LRRK1: variants seen among roughly 807,000 people sequenced by gnomAD.
LRRK1 encodes leucine-rich repeat serine/threonine-protein kinase 1.
In LRRK1, 113 loss-of-function variants were observed where a neutral mutation model predicts 209.1. The observed-to-expected ratio is 0.54, with a 90% CI of 0.46 to 0.63. The LOEUF (loss-of-function observed/expected upper bound fraction) is 0.63, where lower values mean the gene tolerates loss of function less well. Ranked by LOEUF, LRRK1 falls within the 30% of genes least tolerant of loss-of-function variation. LRRK1 has a pLI of 0.00. For synonymous variants in LRRK1, 1,144 were observed against 1,099.7 expected, an observed-to-expected ratio of 1.04 and a Z score of -0.80; for missense variants, 2,284 against 2,632.2, an observed-to-expected ratio of 0.87 and a Z score of 2.89.
intron 2 of LRRK1, among the ~76,000 whole-genome samples, chr15:100,972,011 G>A (rs4965754): frequency 0.7 from 106,482 of 151,400 alleles, 37,784 homozygotes; most frequent in Middle Eastern, 0.76. Context: ...CACCCAGGCT[G>A]GAGTGCAGTG....
In LRRK1 at chr15:101,010,492, C is replaced by T. The variant is rs2033177934; in HGVS notation, c.1032C>T (p.Leu344=). 1 of 1,612,060 alleles carries T rather than the reference C, an allele frequency of 6.2e-7. No homozygotes were observed. The highest frequency in any genetic ancestry group is 8.5e-7 in the Non-Finnish European group (1 of 1,179,520). ...IDISSNKLSH[L]PPGFLHLSKL... is the part of the protein sequence containing the mutation. ...TTTCCAGCAACAAGTTGTCCCACCT[C>T]CCTCCTGGATTCTTGCACCTCTCAA... The change falls in exon 8 of 34, where the codon CTC becomes CTT. Residue 344 remains leucine, a synonymous_variant. Coordinates refer to ENST00000388948, the MANE Select transcript of LRRK1 (RefSeq NM_024652.6).
chr15:100,933,141 C>A (rs896588499), intron 2 of LRRK1, among the ~76,000 whole-genome samples: 6 of 152,232 alleles, frequency 3.9e-5, no homozygotes, highest in African/African-American at 1.4e-4. Flanking sequence ...CTTTATTTTG[C>A]CCTCTCCTGC....
intron 5 of LRRK1, 32 bp downstream of exon 5, chr15:100,988,845 G>A (rs2141670097): frequency 6.5e-7 from 1 of 1,543,064 alleles, no homozygotes; most frequent in Non-Finnish European, 8.8e-7. Context: ...AGTCAACCCT[G>A]ACCGTGCAAA....
chr15:100,924,589 C>G lies in LRRK1; in HGVS notation c.-44C>G, dbSNP rs1485840751. ...CCACAGCCAGCGGCAGTGGCAGTGA[C>G]AACAGCGGGACCTGCCTTTGAAGAT... On this transcript the variant is annotated 5_prime_UTR_variant, in exon 2 of 34. Transcript: ENST00000388948. 2 of 1,579,960 alleles carry G rather than the reference C, an allele frequency of 1.3e-6. No homozygotes were observed. The highest frequency in any genetic ancestry group is 1.7e-6 in the Non-Finnish European group (2 of 1,149,942).
intron 3 of LRRK1, among the ~76,000 whole-genome samples, chr15:100,977,417 C>T (rs762574835): frequency 1.3e-5 from 2 of 152,172 alleles, no homozygotes; most frequent in East Asian, 1.9e-4. Flanking sequence ...CCCCACCCCA[C>T]GGTGTCAGAG....
intron 2 of LRRK1, among the ~76,000 whole-genome samples, chr15:100,935,000 T>A (rs1315496954): frequency 6.6e-6 from 1 of 151,920 alleles, no homozygotes; most frequent in African/African-American, 2.4e-5. Flanking sequence ...AAGAAGAGGG[T>A]TTATTGAACA....
At chr15:100,921,486 G>T (rs930926859) in intron 1 of LRRK1, among the ~76,000 whole-genome samples, 3 of 152,248 alleles carry the variant, frequency 2.0e-5, no homozygotes, top group African/African-American at 7.2e-5. Context: ...GTTTCAAAAA[G>T]GAACTAGGTG....
At chr15:101,046,977 A>G (rs2141123724) in intron 21 of LRRK1, among the ~76,000 whole-genome samples, 1 of 152,228 alleles carries the variant, frequency 6.6e-6, no homozygotes, top group Middle Eastern at 3.4e-3. Flanking sequence ...ACGTGTGAGG[A>G]ACACACGTTC....
At chr15:100,988,194 G>A (rs75607252) in intron 4 of LRRK1, among the ~76,000 whole-genome samples, 1,765 of 152,274 alleles carry the variant, frequency 0.012, 34 homozygotes, top group African/African-American at 0.041. Context: ...GGTTTGTTAC[G>A]TGGGTAAACT....
intron 3 of LRRK1, chr15:100,974,252 CCTACT>C: frequency 3.0e-6 from 1 of 330,948 alleles, no homozygotes; most frequent in Non-Finnish European, 5.4e-6. Context: ...AGAGGCTTAA[CCTACT>C]CTATTCTTTT....
chr15:100,962,822 T>C (rs1250355760), intron 2 of LRRK1, among the ~76,000 whole-genome samples: 15 of 10,632 alleles, frequency 1.4e-3, no homozygotes, highest in East Asian at 3.9e-3. Flanking sequence ...TATATATATA[T>C]ATTTTTTTTT....
intron 12 of LRRK1, among the ~76,000 whole-genome samples, chr15:101,019,795 C>T (rs759154427): frequency 1.3e-5 from 2 of 152,190 alleles, no homozygotes; most frequent in Admixed American, 6.5e-5. Context: ...TGTCCTGCCC[C>T]CTCTCCAGGC....
chr15:101,053,043 C>G lies in LRRK1; in HGVS notation c.3811C>G (p.Arg1271Gly), dbSNP rs748630672. Residue 1271 changes from arginine to glycine, a missense_variant, in exon 25 of 34, where the codon CGC becomes GGC. By Grantham distance (125) the Arg-to-Gly change is moderately radical (BLOSUM62 -2). Around this residue, in one of 6 missense-constraint regions of LRRK1, gnomAD observed 780 missense variants for 985.2 expected, o/e 0.79. Transcript: ENST00000388948. ...CCAGGGCCAGCCTGTGGCCGTCAAG[C>G]GCTTCCACATCAAAAAATTCAAGAA... ...RYQGQPVAVK[R>G]FHIKKFKNFA... is the part of the protein sequence containing the mutation. The G allele has an allele frequency of 1.2e-6, 2 of 1,612,534 alleles. No individual in the cohort carries two copies. Among genetic ancestry groups the G allele is most frequent in the Non-Finnish European group, 1.7e-6 (2 of 1,178,990 alleles).
In LRRK1 at chr15:101,066,085, C is replaced by G. The variant is rs3764740; in HGVS notation, c.5648C>G (p.Thr1883Arg). Residue 1883 changes from threonine to arginine, a missense_variant, in exon 32 of 34, where the codon ACG becomes AGG. Transcript: ENST00000388948. ...TDCEDSDMLH[T>R]PGAASDRSEH... ...TGCGAGGACTCAGACATGCTACATA[C>G]GCCCGGTGCTGCCTCCGACAGGTCT... 2 of 1,614,136 alleles carry G rather than the reference C, an allele frequency of 1.2e-6. No homozygotes were observed. Among genetic ancestry groups the G allele is most frequent in the Non-Finnish European group, 1.7e-6 (2 of 1,180,046 alleles).
chr15:100,919,880 G>A lies in LRRK1; in HGVS notation c.-123+429G>A, dbSNP rs1452386633. Among the ~76,000 whole-genome samples, 1 of 152,034 alleles carries A rather than the reference G, an allele frequency of 6.6e-6. No homozygotes were observed. The highest frequency in any genetic ancestry group is 2.4e-5 in the African/African-American group (1 of 41,412). ...CGAACCCAGTCCCTTAGCGGGGAGC[G>A]GGCGGAGTGTGAGCGCGCGGGTGAG... On this transcript the variant is annotated intron_variant, in intron 1 of 33. Transcript: ENST00000388948. The surrounding 1 kb of genome is among the most constrained non-coding windows in gnomAD (Gnocchi z 5.8).
At chr15:100,947,992 G>A (rs2141618519) in intron 2 of LRRK1, among the ~76,000 whole-genome samples, 1 of 152,338 alleles carries the variant, frequency 6.6e-6, no homozygotes, top group Non-Finnish European at 1.5e-5. Flanking sequence ...AAGTCTTTAA[G>A]ACAGTTGCTT....
intron 32 of LRRK1, 85 bp downstream of exon 32, chr15:101,066,290 T>A: frequency 1.3e-6 from 2 of 1,486,856 alleles, no homozygotes; most frequent in Non-Finnish European, 1.8e-6. Flanking sequence ...CCCCCTGGCT[T>A]CCTTACAGGT....
At position 100,972,502 on chromosome 15, in the gene LRRK1, G is replaced by A. The variant is rs145755294; in HGVS notation, c.98-1302G>A. 5.9e-3 allele frequency among the ~76,000 whole-genome samples: 892 copies of A among 152,094 alleles called. 6 individuals carry two copies. The highest frequency in any genetic ancestry group is 8.6e-3 in the Admixed American group (132 of 15,274). ...CAAGAAAACTTATTAGTATTAGCAA[G>A]GTTTTGGAGAGTTGGCAAGTTATGA... On this transcript the variant is annotated intron_variant, in intron 2 of 33. Transcript: ENST00000388948.
intron 2 of LRRK1, among the ~76,000 whole-genome samples, chr15:100,927,674 T>G (rs2042139701): frequency 6.6e-6 from 1 of 152,194 alleles, no homozygotes. Context: ...CCCAGAAAGT[T>G]CTGTCCCCTG....
Sources: gnomAD v4.1 joint callset for allele counts (sites outside exome capture counted in the v4.1 genomes callset) on GRCh38, gnomAD v4.1.1 for gene constraint, gnomAD v4.1.1 regional missense constraint, Gnocchi (gnomAD v3.1) non-coding constraint, MANE v1.5 for transcripts, NCBI Gene and HGNC (gene_info 2026-07-23, HGNC 2026-07-21) for gene names.